Variants in PEBP4 observed in about 807,000 individuals in gnomAD.
PEBP4 encodes the protein phosphatidylethanolamine binding protein 4, also known as phosphatidylethanolamine-binding protein 4.
In PEBP4, 22 loss-of-function variants were observed where a neutral mutation model predicts 23.9. The observed-to-expected ratio is 0.92, with a 90% confidence interval of 0.66 to 1.31. The LOEUF is 1.31. PEBP4 is among the 40% of genes most tolerant of loss of function. The pLI, the probability that PEBP4 is intolerant of heterozygous loss-of-function variation, is 0.00. For missense variants in PEBP4, 324 were observed against 281.7 expected (o/e 1.15, Z -1.07); for synonymous variants, 112 against 99.3 (o/e 1.13, Z -0.76).
intron 3 of PEBP4, among the ~76,000 whole-genome samples, chr8:22,875,158 G>A (rs1007569916): frequency 1.3e-5 from 2 of 151,322 alleles, no homozygotes; most frequent in East Asian, 1.9e-4. Context: ...GTGCTTTTTC[G>A]CCCCCGAGAC....
intron 6 of PEBP4, among the ~76,000 whole-genome samples, chr8:22,716,321 T>C (rs1224627767): frequency 2.0e-5 from 3 of 152,100 alleles, no homozygotes; most frequent in African/African-American, 4.8e-5. Context: ...TCAGTGCTGA[T>C]AGGAAAGATG....
chr8:22,736,243 G>T (rs1208889316), intron 4 of PEBP4, among the ~76,000 whole-genome samples: 1 of 152,168 alleles, frequency 6.6e-6, no homozygotes, highest in East Asian at 1.9e-4. Flanking sequence ...GGGTTCCGGG[G>T]TGGGGTTAAG....
chr8:22,830,636 A>C (rs781439117), intron 3 of PEBP4, among the ~76,000 whole-genome samples: 2 of 152,204 alleles, frequency 1.3e-5, no homozygotes, highest in Non-Finnish European at 2.9e-5. Context: ...GGTATTCCAG[A>C]GTTTCCTATT....
chr8:22,746,086 A>G (rs1563202379), intron 4 of PEBP4, among the ~76,000 whole-genome samples: 1 of 151,958 alleles, frequency 6.6e-6, no homozygotes, highest in Non-Finnish European at 1.5e-5. Flanking sequence ...ATCTCGTGGC[A>G]GGAGAAGCCT....
At chr8:22,833,170 C>T (rs1807122851) in intron 3 of PEBP4, among the ~76,000 whole-genome samples, 1 of 152,184 alleles carries the variant, frequency 6.6e-6, no homozygotes, top group Admixed American at 6.5e-5. Flanking sequence ...TGAGTATGAA[C>T]TTCCTTCATC....
At position 22,780,762 on chromosome 8, in the gene PEBP4, T is replaced by C. The variant is rs1463567639; in HGVS notation, c.357+36875A>G. Among the ~76,000 whole-genome samples, 6 of 152,212 alleles carry C rather than the reference T, an allele frequency of 3.9e-5. No homozygotes were observed. In the East Asian group the frequency reaches 7.7e-4, roughly 20 times the overall value. ...AGTGATGGCTGGACTCCTCCGATCC[T>C]GAGGGCGTCTAAGGCTCAGTCTTAG... is the stretch of plus-strand genomic sequence containing the variant. On this transcript the variant is annotated intron_variant, in intron 4 of 6. Coordinates refer to ENST00000256404, the MANE Select transcript of PEBP4 (RefSeq NM_144962.3).
chr8:22,779,194 G>C (rs1299368934), intron 4 of PEBP4, among the ~76,000 whole-genome samples: 1 of 152,118 alleles, frequency 6.6e-6, no homozygotes, highest in Admixed American at 6.5e-5. Context: ...TGGGGACCCT[G>C]GCTCCCCATA....
chr8:22,729,053 C>T (rs1474925939), intron 4 of PEBP4, among the ~76,000 whole-genome samples: 2 of 152,212 alleles, frequency 1.3e-5, no homozygotes, highest in South Asian at 2.1e-4. Flanking sequence ...CCCAACTCCC[C>T]GCATTTTGGG....
At chr8:22,729,424 C>T (rs1210710466) in intron 4 of PEBP4, among the ~76,000 whole-genome samples, 3 of 152,248 alleles carry the variant, frequency 2.0e-5, no homozygotes, top group Non-Finnish European at 4.4e-5. Flanking sequence ...GCTTGGGTCC[C>T]ACCCAGAGTG....
At chr8:22,719,722 C>G (rs1804482573) in intron 6 of PEBP4, among the ~76,000 whole-genome samples, 1 of 152,066 alleles carries the variant, frequency 6.6e-6, no homozygotes, top group South Asian at 2.1e-4. Context: ...CTTTGCTTTC[C>G]TCGTTTGCCC....
chr8:22,725,247 G>T (rs759196520), intron 5 of PEBP4, among the ~76,000 whole-genome samples: 6 of 152,318 alleles, frequency 3.9e-5, no homozygotes, highest in Middle Eastern at 3.4e-3. Flanking sequence ...ATGGGCCAGT[G>T]GGTGTTGGCA....
chr8:22,748,498 A>G (rs1805177670), intron 4 of PEBP4, among the ~76,000 whole-genome samples: 2 of 150,830 alleles, frequency 1.3e-5, no homozygotes, highest in African/African-American at 2.4e-5. Flanking sequence ...TTGTGATCCT[A>G]ATTTCCCAAC....
At chr8:22,716,886 C>T (rs1024664033) in intron 6 of PEBP4, among the ~76,000 whole-genome samples, 1 of 152,334 alleles carries the variant, frequency 6.6e-6, no homozygotes, top group Admixed American at 6.5e-5. Context: ...ATGGGGTCAG[C>T]GGAGCTGCCT....
At chr8:22,808,501 A>T (rs1806549389) in intron 4 of PEBP4, among the ~76,000 whole-genome samples, 1 of 152,240 alleles carries the variant, frequency 6.6e-6, no homozygotes, top group African/African-American at 2.4e-5. Flanking sequence ...ATGGTCTAAG[A>T]GGGAAAAGAG....
intron 3 of PEBP4, among the ~76,000 whole-genome samples, chr8:22,827,753 G>A (rs1331184093): frequency 1.3e-5 from 2 of 152,230 alleles, no homozygotes; most frequent in African/African-American, 4.8e-5. Flanking sequence ...GACGTCTAGA[G>A]TGGAACTGCT....
At chr8:22,715,968 G>A (rs558147389) in intron 6 of PEBP4, among the ~76,000 whole-genome samples, 2 of 152,276 alleles carry the variant, frequency 1.3e-5, no homozygotes, top group Non-Finnish European at 1.5e-5. Flanking sequence ...CAGAGAGTCC[G>A]CGGCCAGGCA....
At position 22,759,558 on chromosome 8, in the gene PEBP4, G is replaced by T. The variant is rs544587953; in HGVS notation, c.358-32338C>A. On this transcript the variant is annotated intron_variant, in intron 4 of 6. Coordinates refer to ENST00000256404, the MANE Select transcript of PEBP4 (RefSeq NM_144962.3). The stretch of plus-strand genomic sequence containing the variant: ...TCAGGGCTGCGGGGCTGCAGCTGGG[G>T]TGAGAACTGGCTGGAGTCAGTGGTC... 3.5e-3 allele frequency among the ~76,000 whole-genome samples: 527 copies of T among 152,246 alleles called. 2 individuals carry two copies. Among genetic ancestry groups the T allele is most frequent in the African/African-American group, 0.012 (512 of 41,534 alleles).
At chr8:22,940,780 C>A (rs114973894) in intron 1 of PEBP4, among the ~76,000 whole-genome samples, 1,819 of 152,294 alleles carry the variant, frequency 0.012, 17 homozygotes, top group South Asian at 0.029. Context: ...TGAGCCACCA[C>A]GGCCAGCCTT....
intron 3 of PEBP4, among the ~76,000 whole-genome samples, chr8:22,850,299 G>A (rs997010559): frequency 2.0e-4 from 30 of 152,168 alleles, no homozygotes; most frequent in African/African-American, 7.2e-4. Context: ...GAGTGAATGG[G>A]AGGAATGCTT....
Sources: gnomAD v4.1 joint callset for allele counts (sites outside exome capture counted in the v4.1 genomes callset) on GRCh38, gnomAD v4.1.1 for gene constraint, MANE v1.5 for transcripts, NCBI Gene and HGNC (gene_info 2026-07-23, HGNC 2026-07-21) for gene names.